The following TBXAS1 variants were observed in gnomAD, a reference collection of about 807,000 sequenced individuals.
TBXAS1 encodes thromboxane-A synthase.
Under a neutral mutation model 60.7 loss-of-function variants are expected in TBXAS1, and 48 were observed. The ratio of observed to expected loss-of-function variants is 0.79; its 90% CI spans 0.63 to 1.01. TBXAS1 has a LOEUF of 1.01. Among genes scored for constraint, TBXAS1 ranks in the 50% least tolerant of loss-of-function variants. TBXAS1 has a pLI of 0.00. For missense variants in TBXAS1, 685 were observed against 686.3 expected (o/e 1.00, Z 0.02); for synonymous variants, 287 against 269.7 (o/e 1.06, Z -0.63).
chr7:139,958,794 C>T (rs927072581), intron 8 of TBXAS1, among the ~76,000 whole-genome samples: 13 of 152,218 alleles, frequency 8.5e-5, no homozygotes, highest in South Asian at 2.1e-4. Flanking sequence ...TCGGCCCACA[C>T]CACTGTGAAC....
chr7:140,008,006 G>C (rs1814227303), intron 10 of TBXAS1, among the ~76,000 whole-genome samples: 1 of 152,164 alleles, frequency 6.6e-6, no homozygotes, highest in Non-Finnish European at 1.5e-5. Context: ...AGAGAGTGAA[G>C]TAACAGCCAG....
intron 9 of TBXAS1, among the ~76,000 whole-genome samples, chr7:139,992,096 G>A (rs1812951031): frequency 6.6e-6 from 1 of 152,356 alleles, no homozygotes; most frequent in South Asian, 2.1e-4. Flanking sequence ...TATGGCACAA[G>A]GGGGTATGAT....
intron 4 of TBXAS1, among the ~76,000 whole-genome samples, chr7:139,807,708 G>T (rs1378862479): frequency 6.6e-6 from 1 of 151,962 alleles, no homozygotes; most frequent in Non-Finnish European, 1.5e-5. Context: ...TTTAAAGACA[G>T]GGTCTTGTTG....
At chr7:139,830,447 T>C (rs527793636) in intron 1 of TBXAS1, among the ~76,000 whole-genome samples, 1 of 152,368 alleles carries the variant, frequency 6.6e-6, no homozygotes, top group Non-Finnish European at 1.5e-5. Context: ...GAATTCACGT[T>C]TGATGTTCTA....
intron 2 of TBXAS1, among the ~76,000 whole-genome samples, chr7:139,873,041 ATCT>A (rs1031748125): frequency 1.1e-4 from 17 of 152,186 alleles, no homozygotes; most frequent in African/African-American, 4.1e-4. Context: ...GGTAGCTGTA[ATCT>A]TCTGTCAGAG....
At chr7:139,851,195 A>C (rs1800188470) in intron 1 of TBXAS1, among the ~76,000 whole-genome samples, 1 of 152,210 alleles carries the variant, frequency 6.6e-6, no homozygotes, top group African/African-American at 2.4e-5. Flanking sequence ...TAGCTGCAAT[A>C]ATCTTCACTT....
intron 5 of TBXAS1, among the ~76,000 whole-genome samples, chr7:139,951,962 G>GA (rs1179290446): frequency 1.5e-4 from 17 of 116,206 alleles, no homozygotes; most frequent in African/African-American, 5.9e-4. Flanking sequence ...AAGAAAGAAA[G>GA]AAAGAAAGAA....
intron 9 of TBXAS1, among the ~76,000 whole-genome samples, chr7:139,979,407 A>G (rs866662091): frequency 2.6e-5 from 4 of 152,158 alleles, no homozygotes; most frequent in Non-Finnish European, 4.4e-5. Flanking sequence ...AATAACCAAT[A>G]AACAGATCAA....
At chr7:139,839,821 A>C (rs569954237) in intron 1 of TBXAS1, among the ~76,000 whole-genome samples, 3 of 151,880 alleles carry the variant, frequency 2.0e-5, no homozygotes, top group East Asian at 3.9e-4. Context: ...GCACCACTAC[A>C]CTCGCACTCC....
chr7:139,806,966 G>A (rs1651723379), intron 4 of TBXAS1, among the ~76,000 whole-genome samples: 1 of 152,154 alleles, frequency 6.6e-6, no homozygotes, highest in African/African-American at 2.4e-5. Context: ...TTCACAAACT[G>A]GACAGCACAC....
At chr7:139,960,830 C>A (rs555695554) in intron 8 of TBXAS1, among the ~76,000 whole-genome samples, 1 of 152,078 alleles carries the variant, frequency 6.6e-6, no homozygotes, top group East Asian at 1.9e-4. Flanking sequence ...GAAAATGCTG[C>A]AGCTAGCAGA....
intron 3 of TBXAS1, among the ~76,000 whole-genome samples, chr7:139,884,078 C>T (rs995219034): frequency 6.6e-6 from 1 of 152,132 alleles, no homozygotes; most frequent in African/African-American, 2.4e-5. Flanking sequence ...TGTTAGAGGC[C>T]ATTGTGTTTG....
chr7:139,821,260 G>A (rs918773165), intron 4 of TBXAS1, among the ~76,000 whole-genome samples: 1 of 152,150 alleles, frequency 6.6e-6, no homozygotes, highest in African/African-American at 2.4e-5. Flanking sequence ...AATGAGTCTA[G>A]CTTTAGATTT....
At chr7:139,805,712 T>TTCTTTCTTTCTTTCTTTCTTTC (rs753031062) in intron 4 of TBXAS1, among the ~76,000 whole-genome samples, 1 of 44,352 alleles carries the variant, frequency 2.3e-5, no homozygotes, top group African/African-American at 8.1e-5. Context: ...CTTTCTTTCT[T>TTCTTTCTTTCTTTCTTTCTTTC]TCTCTCTCTC....
intron 5 of TBXAS1, chr7:139,952,557 C>A: frequency 2.0e-6 from 3 of 1,536,774 alleles, no homozygotes; most frequent in Non-Finnish European, 2.6e-6. Context: ...TCAGCTTGGC[C>A]TTTTAATCAT....
chr7:139,880,762 G>A lies in TBXAS1; in HGVS notation c.236+5125G>A, dbSNP rs74497469. ...ATCTCTTACTTTTACAAACACCATC[G>A]CAGTGAAGATTTTCATATACACATC... On this transcript the variant is annotated intron_variant, in intron 3 of 12. Coordinates refer to ENST00000448866, the MANE Select transcript of TBXAS1 (RefSeq NM_001061.7). Among the ~76,000 whole-genome samples the A allele has an allele frequency of 7.5e-3, 1,144 of 152,194 alleles. 16 individuals carry two copies. The highest frequency in any genetic ancestry group is 0.026 in the African/African-American group (1,093 of 41,520).
Position 139,984,250 on chromosome 7 carries a change from C to T in TBXAS1, c.1134+22017C>T, listed in dbSNP as rs115562582. Among the ~76,000 whole-genome samples the T allele has an allele frequency of 4.4e-3, 668 of 151,476 alleles. 8 individuals are homozygous for T. The highest frequency in any genetic ancestry group is 0.016 in the African/African-American group (639 of 41,174). On this transcript the variant is annotated intron_variant, in intron 9 of 12. Coordinates refer to ENST00000448866, the MANE Select transcript of TBXAS1 (RefSeq NM_001061.7). ...GTTAAGTGGAATAACATACTTAGCA[C>T]ATAGCCTGGTACCCACTTATTTTTT...
At position 140,013,099 on chromosome 7, in the gene TBXAS1, AAAG is replaced by A. The variant is rs1814746194; in HGVS notation, c.1227-2621_1227-2619del. Among the ~76,000 whole-genome samples, 1 of 151,978 alleles carries A rather than the reference AAAG, an allele frequency of 6.6e-6. No individual in the cohort carries two copies. The highest frequency in any genetic ancestry group is 2.1e-4 in the South Asian group (1 of 4,828). ...GACTCCATCTCAAAAAAAAAAAAAA[AAAG>A]AAATTGGGGCAAGATGTATGACATA... On this transcript the variant is annotated intron_variant, in intron 10 of 12. Coordinates refer to ENST00000448866, the MANE Select transcript of TBXAS1 (RefSeq NM_001061.7). The surrounding 1 kb of genome is among the most constrained non-coding windows in gnomAD (Gnocchi z 4.2).
intron 3 of TBXAS1, among the ~76,000 whole-genome samples, chr7:139,886,868 C>G (rs911100337): frequency 6.6e-5 from 10 of 152,166 alleles, no homozygotes. Context: ...GCTGCTTCCC[C>G]CAAAGGCTTA....
Sources: allele counts gnomAD v4.1 joint callset (sites outside exome capture counted in the v4.1 genomes callset), GRCh38; gene constraint gnomAD v4.1.1; non-coding constraint Gnocchi (gnomAD v3.1); transcripts MANE v1.5; gene names NCBI Gene and HGNC (gene_info 2026-07-23, HGNC 2026-07-21).